Variants in SRGAP3 observed in about 807,000 individuals in gnomAD.
SRGAP3 encodes the protein SLIT-ROBO Rho GTPase activating protein 3.
A neutral mutation model predicts 121.1 loss-of-function variants in SRGAP3; 39 were observed. The observed-to-expected ratio is 0.32, with a 90% CI of 0.25 to 0.42. The LOEUF (loss-of-function observed/expected upper bound fraction) is 0.42. Among genes scored for constraint, SRGAP3 ranks in the 10% least tolerant of loss-of-function variants. The pLI, the probability that SRGAP3 is intolerant of heterozygous loss-of-function variation, is 1.00. For missense variants in SRGAP3, 1,213 were observed against 1,470.6 expected (o/e 0.82, Z 2.86); for synonymous variants, 601 against 570.0 (o/e 1.05, Z -0.77).
At chr3:9,142,071 C>T (rs1309269045) in intron 1 of SRGAP3, among the ~76,000 whole-genome samples, 2 of 152,186 alleles carry the variant, frequency 1.3e-5, no homozygotes, top group Non-Finnish European at 2.9e-5. Flanking sequence ...CTTGAAAAAA[C>T]GAGTTCTGGG....
At chr3:9,315,583 T>TA (rs1955330212) in intron 3 of SRGAP3, among the ~76,000 whole-genome samples, 1 of 152,220 alleles carries the variant, frequency 6.6e-6, no homozygotes, top group Non-Finnish European at 1.5e-5. Flanking sequence ...TTTATAGTTC[T>TA]AAAGCAAGAC....
intron 1 of SRGAP3, among the ~76,000 whole-genome samples, chr3:9,161,717 A>G (rs940858984): frequency 6.6e-6 from 1 of 152,230 alleles, no homozygotes; most frequent in Non-Finnish European, 1.5e-5. Flanking sequence ...CTAGATGTCG[A>G]ATCCAAAGGT....
intron 18 of SRGAP3, among the ~76,000 whole-genome samples, chr3:8,995,862 T>A (rs932024418): frequency 1.2e-4 from 18 of 152,236 alleles, no homozygotes; most frequent in African/African-American, 4.3e-4. Context: ...TTACTTTTTT[T>A]TATTTTAATA....
intron 1 of SRGAP3, among the ~76,000 whole-genome samples, chr3:9,361,387 A>AACC (rs1310586823): frequency 6.6e-6 from 1 of 152,192 alleles, no homozygotes; most frequent in Non-Finnish European, 1.5e-5. Flanking sequence ...TACAGGCATG[A>AACC]ACCACCACTC....
chr3:9,070,963 G>A (rs1295105171), intron 4 of SRGAP3, among the ~76,000 whole-genome samples: 2 of 152,128 alleles, frequency 1.3e-5, no homozygotes, highest in African/African-American at 2.4e-5. Flanking sequence ...AAGGCTTCCC[G>A]GAGGAAGTGA....
intron 1 of SRGAP3, among the ~76,000 whole-genome samples, chr3:9,195,104 C>T (rs1033100074): frequency 6.6e-5 from 10 of 152,222 alleles, no homozygotes; most frequent in Admixed American, 1.3e-4. Context: ...AAGACATCAC[C>T]GAAGGTGGAG....
At chr3:9,088,239 C>T (rs1947583633) in intron 3 of SRGAP3, among the ~76,000 whole-genome samples, 1 of 152,176 alleles carries the variant, frequency 6.6e-6, no homozygotes, top group African/African-American at 2.4e-5. Context: ...CTGCTTCCTT[C>T]ATGCACAGGG....
At position 9,190,030 on chromosome 3, in the gene SRGAP3, C is replaced by A. The variant is rs114058933; in HGVS notation, c.67+58855G>T. On this transcript the variant is annotated intron_variant, in intron 1 of 21. Coordinates refer to ENST00000383836, the MANE Select transcript of SRGAP3 (RefSeq NM_014850.4). Reference sequence around the variant, plus strand: ...CAGAACACTGAGAAATAATCATCCCCGCTTAACGGGTGAAATTGACACACA... The same window carrying A: ...CAGAACACTGAGAAATAATCATCCCAGCTTAACGGGTGAAATTGACACACA... Among the ~76,000 whole-genome samples, 718 of 152,290 alleles carry A rather than the reference C, an allele frequency of 4.7e-3. 4 individuals carry two copies. The highest frequency in any genetic ancestry group is 0.017 in the African/African-American group (687 of 41,544).
chr3:9,054,753 G>A (rs904197508), intron 8 of SRGAP3, among the ~76,000 whole-genome samples: 23 of 152,180 alleles, frequency 1.5e-4, no homozygotes, highest in Admixed American at 1.4e-3. Flanking sequence ...ATTCCCTCCC[G>A]GAGAGGAGGT....
chr3:9,009,191 A>T (rs1943235963), intron 18 of SRGAP3, among the ~76,000 whole-genome samples: 2 of 152,204 alleles, frequency 1.3e-5, no homozygotes, highest in South Asian at 4.1e-4. Flanking sequence ...GTGAAAACCC[A>T]TCTGTCAGTC....
chr3:9,166,274 C>A (rs1950781968), intron 1 of SRGAP3, among the ~76,000 whole-genome samples: 1 of 152,324 alleles, frequency 6.6e-6, no homozygotes, highest in Non-Finnish European at 1.5e-5. Flanking sequence ...ACCTCTGTAA[C>A]CCCAGTACCT....
rs376557907 is a variant in SRGAP3 at position 9,016,609 on chromosome 3, C to T, written c.1679-878G>A. On this transcript the variant is annotated intron_variant, in intron 14 of 21. Transcript: ENST00000383836. ...TCTACATTATAAAGGTATTTTCCCCCTACTTTGTAATAAGTATGATCTGTG... is the reference window on the plus strand; with the variant it reads ...TCTACATTATAAAGGTATTTTCCCCTTACTTTGTAATAAGTATGATCTGTG... Among the ~76,000 whole-genome samples the T allele has an allele frequency of 9.2e-5, 14 of 152,166 alleles. No homozygotes were observed. In the East Asian group the frequency reaches 2.7e-3, roughly 29 times the overall value.
chr3:8,986,945 G>A (rs1381342145), intron 21 of SRGAP3, among the ~76,000 whole-genome samples: 2 of 152,192 alleles, frequency 1.3e-5, no homozygotes, highest in Non-Finnish European at 2.9e-5. Context: ...GTCCCCTCAT[G>A]CCCAAGGTGG....
At chr3:9,132,894 T>C (rs138801575) in intron 1 of SRGAP3, among the ~76,000 whole-genome samples, 1 of 135,308 alleles carries the variant, frequency 7.4e-6, no homozygotes, top group East Asian at 2.2e-4. Context: ...AGAAAGGGTA[T>C]ATAAAGTTTT....
chr3:9,229,376 G>T (rs1381356303), intron 1 of SRGAP3, among the ~76,000 whole-genome samples: 1 of 152,126 alleles, frequency 6.6e-6, no homozygotes, highest in Non-Finnish European at 1.5e-5. Context: ...TACTCCAGCT[G>T]TCCCCCAAGG....
chr3:9,161,302 C>T (rs1201176660), intron 1 of SRGAP3, among the ~76,000 whole-genome samples: 1 of 152,228 alleles, frequency 6.6e-6, no homozygotes, highest in Non-Finnish European at 1.5e-5. Flanking sequence ...ATATGCTCCA[C>T]TGAAAAGAAC....
intron 11 of SRGAP3, among the ~76,000 whole-genome samples, chr3:9,033,184 A>G (rs950520561): frequency 2.0e-5 from 3 of 152,208 alleles, no homozygotes; most frequent in African/African-American, 7.2e-5. Flanking sequence ...TTTATCACCA[A>G]GTCTCAACTC....
intron 3 of SRGAP3, among the ~76,000 whole-genome samples, chr3:9,273,661 C>A (rs116488679): frequency 0.019 from 2,863 of 152,268 alleles, 47 homozygotes; most frequent in Middle Eastern, 0.041. Context: ...GAAATCACTG[C>A]AAAATCCAAT....
At chr3:9,131,433 CTTTTTTTTTT>C (rs869155697) in intron 1 of SRGAP3, among the ~76,000 whole-genome samples, 1 of 90,216 alleles carries the variant, frequency 1.1e-5, no homozygotes, top group African/African-American at 4.4e-5. Context: ...AGATCTAATT[CTTTTTTTTTT>C]TTTTTTTTTT....
Sources: allele counts gnomAD v4.1 joint callset (sites outside exome capture counted in the v4.1 genomes callset), GRCh38; gene constraint gnomAD v4.1.1; transcripts MANE v1.5; gene names NCBI Gene and HGNC (gene_info 2026-07-23, HGNC 2026-07-21).